Variants in TRHDE observed in about 807,000 individuals in gnomAD.
TRHDE encodes thyrotropin-releasing hormone-degrading ectoenzyme.
A neutral mutation model predicts 125.7 loss-of-function variants in TRHDE; 72 were observed. The ratio of observed to expected loss-of-function variants is 0.57; its 90% CI spans 0.47 to 0.70. The LOEUF (loss-of-function observed/expected upper bound fraction) is 0.70. Among genes scored for constraint, TRHDE ranks in the 30% least tolerant of loss-of-function variants. TRHDE has a pLI of 0.00. For missense variants in TRHDE, 1,110 were observed against 1,327.1 expected (o/e 0.84, Z 2.54); for synonymous variants, 509 against 509.1 (o/e 1.00, Z 0.00).
chr12:72,300,338 A>G (rs1020762266), intron 2 of TRHDE, among the ~76,000 whole-genome samples: 2 of 147,304 alleles, frequency 1.4e-5, no homozygotes, highest in African/African-American at 5.0e-5. Context: ...TCCAGTGAAA[A>G]ACACACTCAT....
chr12:72,208,777 A>T (rs545236210), intron 2 of TRHDE, among the ~76,000 whole-genome samples: 1 of 152,308 alleles, frequency 6.6e-6, no homozygotes, highest in Admixed American at 6.5e-5. Context: ...TCAATCCTAG[A>T]TTCTATATCC....
rs186487710 is a variant in TRHDE, at chr12:72,303,881, A to G, written c.1188+16927A>G. On this transcript the variant is annotated intron_variant, in intron 2 of 18. Coordinates refer to ENST00000261180, the MANE Select transcript of TRHDE (RefSeq NM_013381.3). Reference sequence around the variant, plus strand: ...GATCTAGGGGAAGGGACATTGGTGGATAATTAGCAGTCCTTGCCACAGACT... The same window carrying G: ...GATCTAGGGGAAGGGACATTGGTGGGTAATTAGCAGTCCTTGCCACAGACT... 2.9e-3 allele frequency among the ~76,000 whole-genome samples: 440 copies of G among 152,298 alleles called. 3 individuals are homozygous for G. Among genetic ancestry groups the G allele is most frequent in the African/African-American group, 0.01 (425 of 41,564 alleles).
intron 6 of TRHDE, among the ~76,000 whole-genome samples, chr12:72,522,851 G>C (rs566663224): frequency 1.8e-4 from 28 of 152,198 alleles, no homozygotes; most frequent in African/African-American, 6.0e-4. Flanking sequence ...ATCATGGAGA[G>C]TAATGAACAT....
intron 1 of TRHDE, among the ~76,000 whole-genome samples, chr12:72,285,385 C>A (rs1879842434): frequency 1.3e-5 from 2 of 152,102 alleles, no homozygotes; most frequent in South Asian, 4.1e-4. Context: ...CTTCAGAACT[C>A]AATAGTATTC....
chr12:72,333,260 T>C (rs1411358556), intron 2 of TRHDE, among the ~76,000 whole-genome samples: 1 of 152,186 alleles, frequency 6.6e-6, no homozygotes, highest in Non-Finnish European at 1.5e-5. Flanking sequence ...AATCAGAAAA[T>C]ATAGATTGTC....
chr12:72,303,770 A>G (rs1457215905), intron 2 of TRHDE, among the ~76,000 whole-genome samples: 1 of 152,130 alleles, frequency 6.6e-6, no homozygotes, highest in Non-Finnish European at 1.5e-5. Context: ...AAATTGCTAT[A>G]CCTAGCTGCA....
At chr12:72,614,782 T>C (rs10879466) in intron 12 of TRHDE, among the ~76,000 whole-genome samples, 61,673 of 151,542 alleles carry the variant, frequency 0.41, 14,558 homozygotes, top group African/African-American at 0.65. Flanking sequence ...CTATACACGC[T>C]ACCCATCTCA....
chr12:72,604,846 G>A (rs922525701), intron 12 of TRHDE, among the ~76,000 whole-genome samples: 2 of 152,024 alleles, frequency 1.3e-5, no homozygotes, highest in African/African-American at 4.8e-5. Context: ...TAAAATTAAT[G>A]AGTGTCACTA....
intron 3 of TRHDE, among the ~76,000 whole-genome samples, chr12:72,418,768 A>G (rs1180786803): frequency 6.6e-6 from 1 of 152,176 alleles, no homozygotes; most frequent in Non-Finnish European, 1.5e-5. Context: ...GAAAAATAAA[A>G]TATAGAGAGG....
At chr12:72,283,630 A>G (rs1279969943) in intron 1 of TRHDE, among the ~76,000 whole-genome samples, 1 of 152,110 alleles carries the variant, frequency 6.6e-6, no homozygotes, top group Non-Finnish European at 1.5e-5. Context: ...TCCCTAACAT[A>G]CTTACTTACT....
chr12:72,205,574 A>G (rs756214781), intron 2 of TRHDE, among the ~76,000 whole-genome samples: 4 of 152,154 alleles, frequency 2.6e-5, no homozygotes, highest in Non-Finnish European at 5.9e-5. Flanking sequence ...GAATTTGATT[A>G]CTTTAGATAT....
At chr12:72,547,846 A>G (rs1309090699) in intron 7 of TRHDE, among the ~76,000 whole-genome samples, 1 of 151,892 alleles carries the variant, frequency 6.6e-6, no homozygotes, top group Non-Finnish European at 1.5e-5. Context: ...GCAGGTTGGC[A>G]ATAACCAGAA....
intron 1 of TRHDE, among the ~76,000 whole-genome samples, chr12:72,282,670 A>G (rs1592517606): frequency 6.6e-6 from 1 of 152,220 alleles, no homozygotes; most frequent in African/African-American, 2.4e-5. Flanking sequence ...TATGTGAGTG[A>G]AAACTTTATT....
intron 1 of TRHDE, among the ~76,000 whole-genome samples, chr12:72,279,639 C>T (rs939159050): frequency 6.6e-6 from 1 of 152,142 alleles, no homozygotes; most frequent in Non-Finnish European, 1.5e-5. Context: ...GATGCACAAA[C>T]AGGCACAGCT....
chr12:72,228,929 C>T (rs531911543), intron 2 of TRHDE, among the ~76,000 whole-genome samples: 28 of 152,302 alleles, frequency 1.8e-4, no homozygotes, highest in Admixed American at 1.2e-3. Context: ...CATCTGAGAG[C>T]ACCTAAACCT....
chr12:72,409,249 T>C (rs1185835914), intron 3 of TRHDE, among the ~76,000 whole-genome samples: 2 of 152,178 alleles, frequency 1.3e-5, no homozygotes, highest in East Asian at 1.9e-4. Flanking sequence ...TTGTATTAAA[T>C]GGAAAAATGC....
chr12:72,578,157 T>G (rs2136031445), intron 12 of TRHDE, among the ~76,000 whole-genome samples: 1 of 152,322 alleles, frequency 6.6e-6, no homozygotes, highest in African/African-American at 2.4e-5. Context: ...TATTAAATAC[T>G]TATGCTCCAG....
intron 2 of TRHDE, among the ~76,000 whole-genome samples, chr12:72,350,900 T>C (rs866402816): frequency 2.0e-5 from 3 of 151,990 alleles, no homozygotes; most frequent in Admixed American, 6.6e-5. Context: ...GACAGGCTCA[T>C]GGTCAATGTT....
chr12:72,467,067 C>T (rs557672028), intron 3 of TRHDE, among the ~76,000 whole-genome samples: 218 of 152,186 alleles, frequency 1.4e-3, no homozygotes, highest in African/African-American at 5.1e-3. Flanking sequence ...TGTTTCTGCC[C>T]GTTGATATCC....
Sources: allele counts gnomAD v4.1 joint callset (sites outside exome capture counted in the v4.1 genomes callset), GRCh38; gene constraint gnomAD v4.1.1; transcripts MANE v1.5; gene names NCBI Gene and HGNC (gene_info 2026-07-23, HGNC 2026-07-21).